The following SCLT1 variants were observed in gnomAD, a reference collection of about 807,000 sequenced individuals.
SCLT1 encodes the protein sodium channel and clathrin linker 1.
A neutral mutation model predicts 112.8 loss-of-function variants in SCLT1; 78 were observed. The ratio of observed to expected loss-of-function variants is 0.69; its 90% confidence interval spans 0.58 to 0.83. SCLT1 has a LOEUF of 0.83. Among genes scored for constraint, SCLT1 ranks in the 40% least tolerant of loss-of-function variants. The probability of loss-of-function intolerance (pLI) is 0.00; values close to 1 mark genes in which losing one functional copy is unlikely to be tolerated. For missense variants in SCLT1, 747 were observed against 770.4 expected (o/e 0.97, Z 0.36); for synonymous variants, 257 against 254.7 (o/e 1.01, Z -0.09).
chr4:128,896,523 C>A (rs905376160), intron 18 of SCLT1, among the ~76,000 whole-genome samples: 3 of 152,164 alleles, frequency 2.0e-5, no homozygotes, highest in African/African-American at 7.2e-5. Flanking sequence ...ACCCCATCTG[C>A]ACGTTATCAT....
chr4:129,048,873 G>GA, intron 2 of SCLT1, among the ~76,000 whole-genome samples: 1 of 152,130 alleles, frequency 6.6e-6, no homozygotes, highest in East Asian at 1.9e-4. Flanking sequence ...AAAGACACAT[G>GA]AAAAAATGCT....
At position 128,897,479 on chromosome 4, in the gene SCLT1, A is replaced by G. The variant is rs374225894; in HGVS notation, c.1830-6342T>C. On this transcript the variant is annotated intron_variant, in intron 18 of 20. Transcript: ENST00000281142. ...TTTACAGACAAGCAAATGCTGAGAG[A>G]TTTTGTCACCACCAGGCCTGCCTAA... is the stretch of plus-strand genomic sequence containing the variant. 2.3e-3 allele frequency among the ~76,000 whole-genome samples: 226 copies of G among 99,570 alleles called. 2 individuals are homozygous for G. The highest frequency in any genetic ancestry group is 0.019 in the East Asian group (65 of 3,456). The allele number at this position is 99,570 out of a possible 152,430, so 65.3% of individuals were successfully genotyped here.
At chr4:128,955,625 G>C (rs959638115) in intron 13 of SCLT1, among the ~76,000 whole-genome samples, 6 of 152,052 alleles carry the variant, frequency 3.9e-5, no homozygotes, top group Admixed American at 1.3e-4. Context: ...ATATTTGAAG[G>C]ACATGCCGTG....
chr4:129,076,263 T>C (rs1022474430), intron 2 of SCLT1, among the ~76,000 whole-genome samples: 3 of 152,176 alleles, frequency 2.0e-5, no homozygotes, highest in Non-Finnish European at 4.4e-5. Flanking sequence ...TCAAAATTCA[T>C]TGAATGAGTA....
intron 9 of SCLT1, among the ~76,000 whole-genome samples, chr4:128,991,779 T>C (rs1450286033): frequency 6.6e-6 from 1 of 151,798 alleles, no homozygotes; most frequent in African/African-American, 2.4e-5. Flanking sequence ...AGATTGAAAA[T>C]ATTTTTTAAA....
intron 2 of SCLT1, among the ~76,000 whole-genome samples, chr4:129,067,059 G>A (rs1750552722): frequency 4.6e-5 from 7 of 152,076 alleles, no homozygotes; most frequent in Admixed American, 3.9e-4. Context: ...ACACAATTGG[G>A]TGGTAGGTAC....
intron 1 of SCLT1, among the ~76,000 whole-genome samples, chr4:129,083,621 T>C (rs547710953): frequency 1.3e-5 from 2 of 152,042 alleles, no homozygotes; most frequent in East Asian, 1.9e-4. Context: ...TGAGCTATGA[T>C]TGCACTACGC....
intron 9 of SCLT1, among the ~76,000 whole-genome samples, chr4:128,973,103 C>A (rs1199538377): frequency 1.3e-5 from 2 of 151,930 alleles, no homozygotes; most frequent in Non-Finnish European, 2.9e-5. Context: ...TTTTTCTAAC[C>A]AATTCCTTAA....
chr4:129,060,364 T>A (rs1044817668), intron 2 of SCLT1, among the ~76,000 whole-genome samples: 2 of 152,214 alleles, frequency 1.3e-5, no homozygotes, highest in East Asian at 3.9e-4. Context: ...TAAAGACTTG[T>A]GTTCCTTTGG....
rs556563121 is a variant in SCLT1, at chr4:129,029,355, T to G, written c.290+9686A>C. Among the ~76,000 whole-genome samples, 180 of 152,092 alleles carry G rather than the reference T, an allele frequency of 1.2e-3. 2 individuals are homozygous for G. In the East Asian group the frequency reaches 0.019, roughly 16 times the overall value. On this transcript the variant is annotated intron_variant, in intron 5 of 20. Coordinates refer to ENST00000281142, the MANE Select transcript of SCLT1 (RefSeq NM_144643.4). ...TGGAATACTATGCAGCCATAAAAAA[T>G]GATGAGTTCATGTCCTTTGTAGAGA... is the stretch of plus-strand genomic sequence containing the variant.
At chr4:129,032,631 A>T (rs1746827759) in intron 5 of SCLT1, among the ~76,000 whole-genome samples, 1 of 152,258 alleles carries the variant, frequency 6.6e-6, no homozygotes, top group South Asian at 2.1e-4. Flanking sequence ...AGGAACTTAA[A>T]CAAATTTACA....
At chr4:128,990,580 G>A (rs1742475942) in intron 9 of SCLT1, among the ~76,000 whole-genome samples, 1 of 151,608 alleles carries the variant, frequency 6.6e-6, no homozygotes, top group Admixed American at 6.6e-5. Flanking sequence ...ACAGTATGAG[G>A]AGTCCTAGCC....
chr4:129,014,161 T>C (rs1560965887), intron 5 of SCLT1, among the ~76,000 whole-genome samples: 1 of 152,170 alleles, frequency 6.6e-6, no homozygotes, highest in East Asian at 1.9e-4. Flanking sequence ...TTCTATCAGG[T>C]CAGTTGGTTT....
intron 5 of SCLT1, among the ~76,000 whole-genome samples, chr4:129,025,342 G>T (rs1386577823): frequency 6.6e-6 from 1 of 152,242 alleles, no homozygotes; most frequent in Non-Finnish European, 1.5e-5. Flanking sequence ...CAGACTAACA[G>T]CGGATCTCTT....
intron 5 of SCLT1, among the ~76,000 whole-genome samples, chr4:129,006,620 C>T (rs1744052347): frequency 1.3e-5 from 2 of 151,596 alleles, no homozygotes; most frequent in African/African-American, 4.8e-5. Context: ...TGTACAGTTT[C>T]AGCTTGCAAG....
intron 9 of SCLT1, among the ~76,000 whole-genome samples, chr4:128,987,272 T>G (rs1242086648): frequency 6.6e-6 from 1 of 152,138 alleles, no homozygotes; most frequent in African/African-American, 2.4e-5. Context: ...TACCTAACTC[T>G]TCATTGCTCA....
At chr4:129,083,535 T>C (rs549720623) in intron 1 of SCLT1, among the ~76,000 whole-genome samples, 31 of 151,576 alleles carry the variant, frequency 2.0e-4, no homozygotes, top group Non-Finnish European at 3.7e-4. Context: ...CTCATGCCTA[T>C]AATCTCACTG....
At chr4:128,991,867 A>C (rs959151723) in intron 9 of SCLT1, among the ~76,000 whole-genome samples, 3 of 151,906 alleles carry the variant, frequency 2.0e-5, no homozygotes, top group African/African-American at 7.2e-5. Flanking sequence ...ATTATAAGTT[A>C]TCAGATTATT....
At chr4:128,949,284 G>A (rs866200890) in intron 14 of SCLT1, among the ~76,000 whole-genome samples, 4 of 150,020 alleles carry the variant, frequency 2.7e-5, no homozygotes, top group Middle Eastern at 3.5e-3. Flanking sequence ...AATCAGTGCA[G>A]GGGGAGGTCA....
Sources: gnomAD v4.1 joint callset for allele counts (sites outside exome capture counted in the v4.1 genomes callset) on GRCh38, gnomAD v4.1.1 for gene constraint, MANE v1.5 for transcripts, NCBI Gene and HGNC (gene_info 2026-07-23, HGNC 2026-07-21) for gene names.